ASZ1: variants seen among roughly 807,000 people sequenced by gnomAD.
The protein encoded by ASZ1 is ankyrin repeat, SAM and basic leucine zipper domain containing 1.
ASZ1 carries 67 observed loss-of-function variants against 61.8 expected under a neutral mutation model. The observed-to-expected ratio is 1.08, with a 90% CI of 0.89 to 1.33. The LOEUF is 1.33. ASZ1 is among the 40% of genes most tolerant of loss of function. The pLI, the probability that ASZ1 is intolerant of heterozygous loss-of-function variation, is 0.00. For missense variants in ASZ1, 577 were observed against 554.5 expected (o/e 1.04, Z -0.41); for synonymous variants, 193 against 192.7 (o/e 1.00, Z -0.01).
At chr7:117,415,061 G>A (rs985804534) in intron 4 of ASZ1, among the ~76,000 whole-genome samples, 3 of 151,990 alleles carry the variant, frequency 2.0e-5, no homozygotes, top group Admixed American at 6.6e-5. Flanking sequence ...TTGAGGAATC[G>A]CCACACTGTC....
intron 4 of ASZ1, among the ~76,000 whole-genome samples, chr7:117,405,548 C>T (rs1006788206): frequency 3.3e-5 from 5 of 152,234 alleles, no homozygotes; most frequent in African/African-American, 1.2e-4. Context: ...CATACTCATG[C>T]AGTGGGCCTC....
intron 12 of ASZ1, among the ~76,000 whole-genome samples, chr7:117,364,217 A>C (rs1795888579): frequency 6.6e-6 from 1 of 152,240 alleles, no homozygotes; most frequent in Non-Finnish European, 1.5e-5. Flanking sequence ...TTATTTAAAT[A>C]GAATTGCAGT....
At chr7:117,379,772 A>T (rs180728178) in intron 10 of ASZ1, among the ~76,000 whole-genome samples, 166 bp downstream of exon 10, 6 of 152,010 alleles carry the variant, frequency 3.9e-5, no homozygotes, top group Admixed American at 2.6e-4. Context: ...ATAAAAATTG[A>T]CTTTACAAAG....
intron 4 of ASZ1, among the ~76,000 whole-genome samples, chr7:117,389,921 T>C (rs1796430991): frequency 6.6e-6 from 1 of 152,222 alleles, no homozygotes; most frequent in Non-Finnish European, 1.5e-5. Context: ...TTTTCATCTT[T>C]ATATGCATGT....
chr7:117,368,812 T>C, intron 10 of ASZ1, 95 bp from the exon 11 acceptor site: 1 of 1,565,726 alleles, frequency 6.4e-7, no homozygotes, highest in South Asian at 1.2e-5. Flanking sequence ...AGTCATAAAA[T>C]TAGATTCTTC....
At chr7:117,387,107 C>T (rs1166376766) in intron 4 of ASZ1, among the ~76,000 whole-genome samples, 1 of 148,826 alleles carries the variant, frequency 6.7e-6, no homozygotes, top group Non-Finnish European at 1.5e-5. Context: ...CGAGACCAGC[C>T]TGGGCAACAG....
In ASZ1 at chr7:117,387,431, A is replaced by C. The variant is rs143017884; in HGVS notation, c.441-1622T>G. Among the ~76,000 whole-genome samples the C allele has an allele frequency of 1.5e-3, 234 of 152,240 alleles. 1 individual carries two copies. The highest frequency in any genetic ancestry group is 4.5e-3 in the African/African-American group (185 of 41,554). ...CATTCGAATTCAAATTCTTCATTAC[A>C]TCTAAATCCGAACTGTTGATGTCTC... On this transcript the variant is annotated intron_variant, in intron 4 of 12. Transcript: ENST00000284629.
Position 117,363,378 on chromosome 7 carries a change from C to T in ASZ1, c.*218G>A. 3.1e-6 allele frequency: 1 copy of T among 321,348 alleles called. No individual in the cohort carries two copies. Among genetic ancestry groups the T allele is most frequent in the Non-Finnish European group, 5.6e-6 (1 of 180,030 alleles). 19.9% of individuals were successfully genotyped at this position (321,348 alleles called of 1,614,324 possible). On this transcript the variant is annotated 3_prime_UTR_variant, in exon 13 of 13. Coordinates refer to ENST00000284629, the MANE Select transcript of ASZ1 (RefSeq NM_130768.3). ...CGATCAAACCAAAAAATTACTTATA[C>T]TTTACTACCTAATCACAATTAACAT...
At chr7:117,402,964 A>C (rs1796708899) in intron 4 of ASZ1, among the ~76,000 whole-genome samples, 12 of 151,402 alleles carry the variant, frequency 7.9e-5, no homozygotes, top group Admixed American at 7.2e-4. Flanking sequence ...AAAAAGACTT[A>C]GCATGATATC....
intron 4 of ASZ1, among the ~76,000 whole-genome samples, chr7:117,395,519 C>T (rs1796559548): frequency 2.0e-5 from 3 of 152,116 alleles, no homozygotes; most frequent in South Asian, 2.1e-4. Flanking sequence ...GCCAACATGA[C>T]GTGTATATTC....
chr7:117,379,971 C>A lies in ASZ1; in HGVS notation c.1022G>T (p.Gly341Val). Residue 341 changes from glycine to valine, a missense_variant, in exon 10 of 13, where the codon GGA (glycine) becomes GTA (valine). Physicochemically the swap from Gly to Val is moderately radical, Grantham distance 109 (BLOSUM62 -3). Coordinates refer to ENST00000284629, the MANE Select transcript of ASZ1 (RefSeq NM_130768.3). ...CAACTTTGTCTCTTCAGATAGCTCT[C>A]CAAATTGTATCTCTTCTACCTGTAG... ...KELQVEEIQFGELSEETKLEI... is the reference protein window; with the variant it reads ...KELQVEEIQFVELSEETKLEI... 1 of 1,606,096 alleles carries A rather than the reference C, an allele frequency of 6.2e-7. No individual in the cohort carries two copies.
intron 4 of ASZ1, among the ~76,000 whole-genome samples, chr7:117,407,895 A>G (rs1439639890): frequency 3.3e-5 from 5 of 152,192 alleles, no homozygotes; most frequent in Non-Finnish European, 7.4e-5. Context: ...GATAATGTAG[A>G]TGACGAACGG....
At chr7:117,371,167 G>T (rs1796044200) in intron 10 of ASZ1, among the ~76,000 whole-genome samples, 1 of 152,054 alleles carries the variant, frequency 6.6e-6, no homozygotes, top group East Asian at 1.9e-4. Context: ...CTTACTTGTA[G>T]AAGTTTTGAC....
intron 10 of ASZ1, among the ~76,000 whole-genome samples, chr7:117,375,604 C>T (rs977505146): frequency 3.3e-5 from 5 of 151,888 alleles, no homozygotes; most frequent in African/African-American, 9.7e-5. Flanking sequence ...ATGTAGCTAC[C>T]GAACCCTTGA....
chr7:117,394,641 T>C (rs1038752730), intron 4 of ASZ1, among the ~76,000 whole-genome samples: 13 of 152,220 alleles, frequency 8.5e-5, no homozygotes, highest in Non-Finnish European at 1.8e-4. Flanking sequence ...TTCCATGTTC[T>C]CCTTTGGAAT....
At chr7:117,373,071 C>G (rs1342040367) in intron 10 of ASZ1, among the ~76,000 whole-genome samples, 2 of 151,926 alleles carry the variant, frequency 1.3e-5, no homozygotes, top group African/African-American at 2.4e-5. Context: ...GGAGCTGTTT[C>G]CTTGATGGAC....
chr7:117,398,993 T>C (rs1251359405), intron 4 of ASZ1, among the ~76,000 whole-genome samples: 1 of 151,512 alleles, frequency 6.6e-6, no homozygotes, highest in African/African-American at 2.4e-5. Context: ...TTTTGGGAGG[T>C]CAAGGCAGGA....
At chr7:117,377,836 G>A (rs1796165149) in intron 10 of ASZ1, among the ~76,000 whole-genome samples, 1 of 151,936 alleles carries the variant, frequency 6.6e-6, no homozygotes. Flanking sequence ...ACTTTCAGAG[G>A]GATAGACACA....
At chr7:117,369,477 G>A (rs1412171721) in intron 10 of ASZ1, among the ~76,000 whole-genome samples, 1 of 152,192 alleles carries the variant, frequency 6.6e-6, no homozygotes, top group Non-Finnish European at 1.5e-5. Context: ...AAATGAGAAT[G>A]TTTATTTGGA....
Sources: allele counts gnomAD v4.1 joint callset (sites outside exome capture counted in the v4.1 genomes callset), GRCh38; gene constraint gnomAD v4.1.1; transcripts MANE v1.5; gene names NCBI Gene and HGNC (gene_info 2026-07-23, HGNC 2026-07-21).